Variants in SANBR observed in about 807,000 individuals in gnomAD.
The protein encoded by SANBR is SANT and BTB domain regulator of class switch recombination.
In SANBR, 77 loss-of-function variants were observed where a neutral mutation model predicts 101.8. That is an observed-to-expected ratio of 0.76 (90% confidence interval 0.63 to 0.91). SANBR has a LOEUF of 0.91. Ranked by LOEUF, SANBR falls within the 40% of genes least tolerant of loss-of-function variation. The probability of loss-of-function intolerance (pLI) is 0.00; values close to 1 mark genes in which losing one functional copy is unlikely to be tolerated. For synonymous variants in SANBR, 279 were observed against 274.7 expected (o/e 1.02, Z -0.15); for missense variants, 875 against 853.0 (o/e 1.03, Z -0.32).
intron 6 of SANBR, among the ~76,000 whole-genome samples, chr2:61,080,590 G>A (rs1051871602): frequency 1.3e-5 from 2 of 151,636 alleles, no homozygotes; most frequent in African/African-American, 4.8e-5. Context: ...GTGTGGTGGT[G>A]AACGCCTGTA....
intron 11 of SANBR, chr2:61,094,226 A>G (rs1221501493): frequency 5.0e-6 from 1 of 199,226 alleles, no homozygotes; most frequent in Non-Finnish European, 9.0e-6. Flanking sequence ...CAATCAAAGC[A>G]TGTAACACTT....
chr2:61,081,044 T>C (rs1682096876), intron 6 of SANBR, among the ~76,000 whole-genome samples: 2 of 152,164 alleles, frequency 1.3e-5, no homozygotes, highest in African/African-American at 4.8e-5. Context: ...AAATTAAATA[T>C]TTGTTCATAA....
downstream of SANBR, among the ~76,000 whole-genome samples, chr2:61,125,674 G>A (rs1684493922): frequency 6.6e-6 from 1 of 152,166 alleles, no homozygotes; most frequent in South Asian, 2.1e-4. Flanking sequence ...CATGAACACA[G>A]CCAATTCTTA....
intron 16 of SANBR, among the ~76,000 whole-genome samples, chr2:61,113,651 T>C (rs1295915705): frequency 6.6e-6 from 1 of 152,238 alleles, no homozygotes; most frequent in Non-Finnish European, 1.5e-5. Context: ...AATTGATGTT[T>C]GTATATTGAC....
chr2:61,132,479 C>T (rs757270273), intron 20 of SANBR, among the ~76,000 whole-genome samples: 5 of 152,146 alleles, frequency 3.3e-5, no homozygotes, highest in Admixed American at 6.6e-5. Context: ...ATCACTTTAA[C>T]GCTCAGTAGA....
At chr2:61,092,626 T>C (rs768796573) in intron 11 of SANBR, 39 bp downstream of exon 11, 2 of 1,476,888 alleles carry the variant, frequency 1.4e-6, no homozygotes, top group African/African-American at 1.4e-5. Flanking sequence ...TCTGCAAATA[T>C]TGAGAGCAAG....
intron 11 of SANBR, among the ~76,000 whole-genome samples, chr2:61,094,751 C>G (rs988016427): frequency 6.9e-6 from 1 of 145,650 alleles, no homozygotes; most frequent in Non-Finnish European, 1.5e-5. Flanking sequence ...TCAAGCGATT[C>G]TCCTGTCTCA....
At chr2:61,080,192 G>A (rs986072417) in intron 6 of SANBR, among the ~76,000 whole-genome samples, 1 of 75,884 alleles carries the variant, frequency 1.3e-5, no homozygotes. Context: ...GTGAAACTTT[G>A]TCTCAAAAAA....
intron 6 of SANBR, among the ~76,000 whole-genome samples, chr2:61,079,345 T>C (rs1265079120): frequency 6.6e-6 from 1 of 152,204 alleles, no homozygotes; most frequent in African/African-American, 2.4e-5. Flanking sequence ...AATGGGCATA[T>C]ACTTGTATGA....
chr2:61,093,262 A>G (rs1370410818), intron 11 of SANBR: 3 of 151,956 alleles, frequency 2.0e-5, no homozygotes, highest in Non-Finnish European at 1.5e-5. Flanking sequence ...TTTTATTTCC[A>G]TTCCTGAAAC....
In SANBR at chr2:61,077,083, C is replaced by A; in HGVS notation, c.595C>A (p.His199Asn). 6.2e-7 allele frequency: 1 copy of A among 1,614,006 alleles called. No homozygotes were observed. The highest frequency in any genetic ancestry group is 1.1e-5 in the South Asian group (1 of 91,070). Residue 199 changes from histidine to asparagine, a missense_variant, in exon 6 of 22, where the codon CAC becomes AAC. His to Asn is a moderately conservative substitution (Grantham distance 68, BLOSUM62 1). Transcript: ENST00000402291. Reference protein sequence around the residue: ...EVDISVHCDVHIFNWLIKYIK... With the variant: ...EVDISVHCDVNIFNWLIKYIK... ...GGACATTTCAGTTCATTGCGACGTT[C>A]ACATTTTCAACTGGTTGATAAAATA... is the stretch of plus-strand genomic sequence containing the variant.
At chr2:61,130,709 G>A (rs1347846357) in intron 20 of SANBR, among the ~76,000 whole-genome samples, 6 of 151,544 alleles carry the variant, frequency 4.0e-5, no homozygotes, top group Admixed American at 1.3e-4. Flanking sequence ...AGCACTTTGG[G>A]AGGCCGAGGC....
In SANBR at chr2:61,092,635, A is replaced by C. The variant is rs772687019; in HGVS notation, c.1212+48A>C. On this transcript the variant is annotated intron_variant, in intron 11 of 21. Coordinates refer to ENST00000402291, the MANE Select transcript of SANBR (RefSeq NM_001129993.3). The stretch of plus-strand genomic sequence containing the variant: ...TCCTGCTCTGCAAATATTGAGAGCA[A>C]GATTATTTTGATATCTGCTGTTTAA... The C allele has an allele frequency of 1.4e-5, 20 of 1,404,444 alleles. No individual in the cohort carries two copies. The East Asian group carries it at 2.9e-4, about 20-fold the overall frequency. The allele number at this position is 1,404,444 out of a possible 1,614,324, so 87.0% of individuals were successfully genotyped here. A position where few individuals can be genotyped will look rare whatever the true frequency, so the allele number is the denominator to read the frequency against.
At chr2:61,126,461 T>A (rs1684516567), downstream of SANBR, among the ~76,000 whole-genome samples, 1 of 152,156 alleles carries the variant, frequency 6.6e-6, no homozygotes, top group South Asian at 2.1e-4. Flanking sequence ...TCAGATCACA[T>A]CACTCCCCTG....
In SANBR at chr2:61,088,678, AC is replaced by A; in HGVS notation, c.1088+213del. ...TGGGACTACAGGCGTGTGCCACCAC[AC>A]CCAGCTAGTTTTTGTATTTTTAGTA... On this transcript the variant is annotated intron_variant, in intron 10 of 21. Transcript: ENST00000402291. 3 of 309,916 alleles carry A rather than the reference AC, an allele frequency of 9.7e-6. No individual in the cohort carries two copies. The South Asian group carries it at 3.0e-4, about 31-fold the overall frequency. The allele number at this position is 309,916 out of a possible 1,614,324, so 19.2% of individuals were successfully genotyped here.
chr2:61,075,027 G>A (rs1226700573), intron 5 of SANBR: 1 of 151,446 alleles, frequency 6.6e-6, no homozygotes, highest in Non-Finnish European at 1.5e-5. Flanking sequence ...TGAACTCCTG[G>A]GCTCAAGCAG....
downstream of SANBR, among the ~76,000 whole-genome samples, chr2:61,127,827 G>C (rs1684558875): frequency 6.6e-6 from 1 of 152,104 alleles, no homozygotes; most frequent in African/African-American, 2.4e-5. Flanking sequence ...AAAGAAATAG[G>C]GGCTGAAGAC....
rs1274732110 is a variant in SANBR at position 61,097,765 on chromosome 2, A to G, written c.1278A>G (p.Ala426=). ...YHSETVVYPT[A]ASSLNTVGTG... is the part of the protein sequence containing the mutation. ...CAGAAACAGTGGTTTATCCTACTGC[A>G]GCAAGTTCATTGAATACTGTTGGCA... Residue 426 remains alanine (A), a synonymous_variant, in exon 12 of 22, where the codon GCA becomes GCG. Coordinates refer to ENST00000402291, the MANE Select transcript of SANBR (RefSeq NM_001129993.3). 10 of 1,612,872 alleles carry G rather than the reference A, an allele frequency of 6.2e-6. No homozygotes were observed. Among genetic ancestry groups the G allele is most frequent in the Non-Finnish European group, 7.6e-6 (9 of 1,179,166 alleles).
intron 16 of SANBR, among the ~76,000 whole-genome samples, chr2:61,115,546 C>T (rs561574874): frequency 2.6e-5 from 4 of 151,830 alleles, no homozygotes; most frequent in Non-Finnish European, 5.9e-5. Context: ...TTATAAAGCC[C>T]TAAAATATAC....
Sources: allele counts gnomAD v4.1 joint callset (sites outside exome capture counted in the v4.1 genomes callset), GRCh38; gene constraint gnomAD v4.1.1; transcripts MANE v1.5; gene names NCBI Gene and HGNC (gene_info 2026-07-23, HGNC 2026-07-21).